GFOD1: variants seen among roughly 807,000 people sequenced by gnomAD.
GFOD1 encodes glucose-fructose oxidoreductase domain-containing protein 1.
A neutral mutation model predicts 25.4 loss-of-function variants in GFOD1; 9 were observed. That is an observed-to-expected ratio of 0.35 (90% CI 0.21 to 0.62). The LOEUF (loss-of-function observed/expected upper bound fraction) is 0.62. Ranked by LOEUF, GFOD1 falls within the 20% of genes least tolerant of loss-of-function variation. The pLI, the probability that GFOD1 is intolerant of heterozygous loss-of-function variation, is 0.72. For missense variants in GFOD1, 403 were observed against 556.9 expected, an observed-to-expected ratio of 0.72 and a Z score of 2.78; for synonymous variants, 253 against 245.6, an observed-to-expected ratio of 1.03 and a Z score of -0.28.
Position 13,363,036 on chromosome 6 carries a change from G to C in GFOD1, c.*1707C>G, listed in dbSNP as rs1351909704. ...AAGCTACGTAGACTTATGAGGAATG[G>C]CTTCCACGTCCACACTTGACAAATG... On this transcript the variant is annotated 3_prime_UTR_variant, in exon 2 of 2. Transcript: ENST00000379287. The C allele has an allele frequency of 6.6e-6, 1 of 152,224 alleles. No individual in the cohort carries two copies. 9.4% of individuals were successfully genotyped at this position (152,224 alleles called of 1,614,324 possible).
chr6:13,385,107 TGTATCTGCTCA>T (rs1482958050), intron 1 of GFOD1, among the ~76,000 whole-genome samples: 6 of 152,164 alleles, frequency 3.9e-5, no homozygotes, highest in Non-Finnish European at 8.8e-5. Flanking sequence ...GCCTGTCTTC[TGTATCTGCTCA>T]GTAACCGGGA....
In GFOD1 at chr6:13,486,721, T is replaced by G; in HGVS notation, c.170A>C (p.Glu57Ala). 2 of 1,613,944 alleles carry G rather than the reference T, an allele frequency of 1.2e-6. No individual in the cohort carries two copies. The highest frequency in any genetic ancestry group is 1.7e-6 in the Non-Finnish European group (2 of 1,179,878). Reference protein sequence around the residue: ...SVPFYTSRIDEVLLHQDVDLV... With the variant: ...SVPFYTSRIDAVLLHQDVDLV... ...GTCCACGTCCTGATGCAGCAGCACC[T>G]CATCAATGCGGCTAGTGTAGAAGGG... is the stretch of plus-strand genomic sequence containing the variant. Residue 57 changes from glutamate to alanine, a missense_variant, in exon 1 of 2, where the codon GAG becomes GCG. Physicochemically the swap from Glu to Ala is moderately radical, Grantham distance 107 (BLOSUM62 -1). Coordinates refer to ENST00000379287, the MANE Select transcript of GFOD1 (RefSeq NM_018988.4).
chr6:13,409,523 T>G (rs1311525391), intron 1 of GFOD1, among the ~76,000 whole-genome samples: 1 of 152,114 alleles, frequency 6.6e-6, no homozygotes, highest in Non-Finnish European at 1.5e-5. Flanking sequence ...CACAGAGAGA[T>G]AGTAGGAAGG....
chr6:13,449,647 C>T (rs1025104825), intron 1 of GFOD1, among the ~76,000 whole-genome samples: 7 of 152,116 alleles, frequency 4.6e-5, no homozygotes. Context: ...CCATATTGTT[C>T]TCATGGTAGT....
Position 13,363,666 on chromosome 6 carries a change from C to A in GFOD1, c.*1077G>T, listed in dbSNP as rs1278292502. 1.3e-5 allele frequency: 2 copies of A among 148,530 alleles called. No individual in the cohort carries two copies. Among genetic ancestry groups the A allele is most frequent in the African/African-American group, 2.5e-5 (1 of 39,920 alleles). 9.2% of individuals were successfully genotyped at this position (148,530 alleles called of 1,614,324 possible). A position where few individuals can be genotyped will look rare whatever the true frequency, so the allele number is the denominator to read the frequency against. ...TGGATGAATCTCCTAAAAGCTCTTG[C>A]CCAGCTTGGTAGGAGAGATGCGCGA... On this transcript the variant is annotated 3_prime_UTR_variant, in exon 2 of 2. Transcript: ENST00000379287.
At chr6:13,456,205 C>T (rs191985055) in intron 1 of GFOD1, among the ~76,000 whole-genome samples, 54 of 152,110 alleles carry the variant, frequency 3.6e-4, no homozygotes, top group Non-Finnish European at 5.0e-4. Context: ...GCTCTGTCAC[C>T]CTCTCTCATG....
At chr6:13,371,696 T>A (rs1470634913) in intron 1 of GFOD1, among the ~76,000 whole-genome samples, 1 of 152,076 alleles carries the variant, frequency 6.6e-6, no homozygotes, top group Admixed American at 6.6e-5. Context: ...GTGGGAGAGG[T>A]CTGGCAAAGT....
At position 13,363,108 on chromosome 6, in the gene GFOD1, C is replaced by T. The variant is rs1007726753; in HGVS notation, c.*1635G>A. The T allele has an allele frequency of 6.6e-6, 1 of 152,174 alleles. No individual in the cohort carries two copies. Among genetic ancestry groups the T allele is most frequent in the Non-Finnish European group, 1.5e-5 (1 of 68,038 alleles). The allele number at this position is 152,174 out of a possible 1,614,324, so 9.4% of individuals were successfully genotyped here. ...AAACAAAGATAACAAAGGATAATTC[C>T]CTGTTCTCTGAATGCACTTGATTGG... is the stretch of plus-strand genomic sequence containing the variant. On this transcript the variant is annotated 3_prime_UTR_variant, in exon 2 of 2. Transcript: ENST00000379287.
Position 13,473,806 on chromosome 6 carries a change from T to C in GFOD1, c.253+12832A>G, listed in dbSNP as rs557226493. On this transcript the variant is annotated intron_variant, in intron 1 of 1. Coordinates refer to ENST00000379287, the MANE Select transcript of GFOD1 (RefSeq NM_018988.4). ...AGGTCTTCTGGGACCCTTCCAGCTC[T>C]CAGGAATGCCCCTTTCCTCAGCTTT... is the stretch of plus-strand genomic sequence containing the variant. 2.0e-5 allele frequency among the ~76,000 whole-genome samples: 3 copies of C among 152,246 alleles called. No individual in the cohort carries two copies. In the East Asian group the frequency reaches 5.8e-4, roughly 29 times the overall value.
intron 1 of GFOD1, among the ~76,000 whole-genome samples, chr6:13,467,720 C>T (rs1237014393): frequency 2.0e-5 from 3 of 152,160 alleles, no homozygotes; most frequent in South Asian, 2.1e-4. Context: ...TAGGACTGTT[C>T]CAGCTGTTTC....
intron 1 of GFOD1, among the ~76,000 whole-genome samples, chr6:13,457,961 C>T (rs931701191): frequency 2.0e-5 from 3 of 152,210 alleles, no homozygotes; most frequent in African/African-American, 7.2e-5. Flanking sequence ...TTATTTCATT[C>T]CTTCTCATCA....
intron 1 of GFOD1, among the ~76,000 whole-genome samples, chr6:13,387,848 G>A (rs904823684): frequency 6.6e-6 from 1 of 152,226 alleles, no homozygotes; most frequent in Non-Finnish European, 1.5e-5. Flanking sequence ...CAGATGACAT[G>A]ATTGTATATT....
chr6:13,459,341 TA>T (rs961357825), intron 1 of GFOD1, among the ~76,000 whole-genome samples: 8 of 113,218 alleles, frequency 7.1e-5, no homozygotes, highest in Non-Finnish European at 1.6e-4. Flanking sequence ...CCTTACACCT[TA>T]TACAAAAATT....
intron 1 of GFOD1, among the ~76,000 whole-genome samples, chr6:13,409,679 T>C (rs1048701682): frequency 1.3e-5 from 2 of 152,204 alleles, no homozygotes; most frequent in African/African-American, 4.8e-5. Flanking sequence ...CCCAACACTT[T>C]GGAAGCCCGA....
intron 1 of GFOD1, among the ~76,000 whole-genome samples, chr6:13,408,355 C>T (rs1229552159): frequency 2.0e-5 from 3 of 152,200 alleles, no homozygotes; most frequent in Non-Finnish European, 2.9e-5. Context: ...CTTGTTCCTC[C>T]TTATGGTTTC....
chr6:13,439,849 C>T (rs1172185940), intron 1 of GFOD1, among the ~76,000 whole-genome samples: 1 of 152,140 alleles, frequency 6.6e-6, no homozygotes, highest in Non-Finnish European at 1.5e-5. Context: ...TATGATTCAC[C>T]CCTAGAGACT....
chr6:13,420,912 A>G (rs1317609221), intron 1 of GFOD1, among the ~76,000 whole-genome samples: 1 of 152,228 alleles, frequency 6.6e-6, no homozygotes, highest in African/African-American at 2.4e-5. Context: ...TCTAAACAGG[A>G]TGTCATACAT....
At chr6:13,443,524 A>G (rs1172149063) in intron 1 of GFOD1, among the ~76,000 whole-genome samples, 1 of 152,154 alleles carries the variant, frequency 6.6e-6, no homozygotes, top group Non-Finnish European at 1.5e-5. Flanking sequence ...TCTTATTTTA[A>G]GAAATTGCCA....
chr6:13,449,317 T>C (rs1479230880), intron 1 of GFOD1, among the ~76,000 whole-genome samples: 1 of 152,120 alleles, frequency 6.6e-6, no homozygotes, highest in Non-Finnish European at 1.5e-5. Flanking sequence ...CAGCCTTTGT[T>C]GCATTCTCAT....
Sources: allele counts gnomAD v4.1 joint callset (sites outside exome capture counted in the v4.1 genomes callset), GRCh38; gene constraint gnomAD v4.1.1; transcripts MANE v1.5; gene names NCBI Gene and HGNC (gene_info 2026-07-23, HGNC 2026-07-21).